NEDD4: variants seen among roughly 807,000 people sequenced by gnomAD.
NEDD4 encodes NEDD4 E3 ubiquitin protein ligase.
In NEDD4, 99 loss-of-function variants were observed where a neutral mutation model predicts 144.9. The observed-to-expected ratio is 0.68, with a 90% confidence interval of 0.58 to 0.81. The LOEUF (loss-of-function observed/expected upper bound fraction) is 0.81, where lower values mean the gene tolerates loss of function less well. Ranked by LOEUF, NEDD4 falls within the 30% of genes least tolerant of loss-of-function variation. The pLI, the probability that NEDD4 is intolerant of heterozygous loss-of-function variation, is 0.00. For missense variants in NEDD4, 985 were observed against 1,065.9 expected, an observed-to-expected ratio of 0.92 and a Z score of 1.06; for synonymous variants, 318 against 350.6, an observed-to-expected ratio of 0.91 and a Z score of 1.04.
At chr15:55,894,846 G>GT (rs1239932109) in intron 5 of NEDD4, among the ~76,000 whole-genome samples, 12 of 152,072 alleles carry the variant, frequency 7.9e-5, no homozygotes, top group African/African-American at 2.9e-4. Context: ...GGTTGTGTCC[G>GT]TATCAAATAT....
intron 5 of NEDD4, among the ~76,000 whole-genome samples, chr15:55,889,039 A>C (rs2035480592): frequency 6.6e-6 from 1 of 152,224 alleles, no homozygotes; most frequent in Admixed American, 6.5e-5. Context: ...TGGAGAAGGC[A>C]AAGATTTCTT....
At chr15:55,951,641 C>T (rs1241192760) in intron 2 of NEDD4, 52 bp from the exon 3 acceptor site, 3 of 1,309,446 alleles carry the variant, frequency 2.3e-6, no homozygotes, top group Non-Finnish European at 3.1e-6. Flanking sequence ...TTGCTTACCC[C>T]AAGCTCAGAT....
intron 24 of NEDD4, among the ~76,000 whole-genome samples, chr15:55,835,668 G>T (rs1421161911): frequency 6.6e-6 from 1 of 152,038 alleles, no homozygotes; most frequent in African/African-American, 2.4e-5. Context: ...TGCACATGCA[G>T]CTCTGAACAC....
intron 5 of NEDD4, among the ~76,000 whole-genome samples, chr15:55,876,913 C>G (rs191111685): frequency 7.3e-5 from 11 of 149,738 alleles, no homozygotes; most frequent in African/African-American, 2.7e-4. Flanking sequence ...CCATCTTACG[C>G]AGGATGGTCT....
At chr15:55,916,833 T>G in intron 5 of NEDD4, 1 of 1,586,462 alleles carries the variant, frequency 6.3e-7, no homozygotes, top group Non-Finnish European at 8.6e-7. Flanking sequence ...TTGTGCCATT[T>G]GTTCTCATTT....
chr15:55,927,018 G>A (rs990123978), intron 4 of NEDD4, among the ~76,000 whole-genome samples: 1 of 137,452 alleles, frequency 7.3e-6, no homozygotes, highest in Non-Finnish European at 1.5e-5. Flanking sequence ...AGAGGTTGCA[G>A]TGAACCAAGA....
intron 5 of NEDD4, among the ~76,000 whole-genome samples, chr15:55,921,911 C>T (rs1176990847): frequency 2.6e-5 from 4 of 152,178 alleles, no homozygotes; most frequent in Admixed American, 6.5e-5. Flanking sequence ...GACAATTAAG[C>T]ATGGTGGAAA....
intron 5 of NEDD4, among the ~76,000 whole-genome samples, chr15:55,877,781 T>G (rs542548761): frequency 5.3e-5 from 8 of 152,176 alleles, no homozygotes; most frequent in Non-Finnish European, 1.0e-4. Flanking sequence ...CTAATTTATA[T>G]CATCATAGAC....
In NEDD4 at chr15:55,974,726, T is replaced by TA. The variant is rs765883456; in HGVS notation, c.46-8181dup. ...GATAAATTTCAACATCTCTTCATGATAAAAAAAAAAACCCTCAAAAACCTG... is the reference window on the plus strand; with the variant it reads ...GATAAATTTCAACATCTCTTCATGATAAAAAAAAAAAACCCTCAAAAACCTG... On this transcript the variant is annotated intron_variant, in intron 1 of 28. Transcript: ENST00000435532. Among the ~76,000 whole-genome samples, 571 of 130,858 alleles carry TA rather than the reference T, an allele frequency of 4.4e-3. 2 individuals carry two copies. The highest frequency in any genetic ancestry group is 8.1e-3 in the Middle Eastern group (2 of 246). The allele number at this position is 130,858 out of a possible 152,430, so 85.8% of individuals were successfully genotyped here.
rs553469323 is a variant in NEDD4, at chr15:55,948,708, A to G, written c.237+2668T>C. ...GACAAAAACAAGAAATGGGGAAAGG[A>G]TTCCCTATTTAATAAATGGTGCTGG... On this transcript the variant is annotated intron_variant, in intron 4 of 28. Transcript: ENST00000435532. Among the ~76,000 whole-genome samples the G allele has an allele frequency of 1.8e-3, 267 of 152,322 alleles. 1 individual carries two copies. Among genetic ancestry groups the G allele is most frequent in the African/African-American group, 6.3e-3 (263 of 41,574 alleles).
chr15:55,966,416 A>G, intron 2 of NEDD4, 57 bp downstream of exon 2: 1 of 1,101,060 alleles, frequency 9.1e-7, no homozygotes, highest in Non-Finnish European at 1.3e-6. Context: ...AAAGTTTGGA[A>G]AAAACTAATT....
chr15:55,919,374 C>A (rs1395328675), intron 5 of NEDD4, among the ~76,000 whole-genome samples: 1 of 152,106 alleles, frequency 6.6e-6, no homozygotes, highest in Admixed American at 6.6e-5. Flanking sequence ...GAAAGAATGA[C>A]GTTTGAAAAA....
intron 5 of NEDD4, among the ~76,000 whole-genome samples, chr15:55,879,931 G>T (rs184671330): frequency 1.4e-4 from 21 of 152,270 alleles, no homozygotes; most frequent in Admixed American, 9.8e-4. Context: ...AAAGAGGAAA[G>T]GGAGGACATT....
intron 4 of NEDD4, among the ~76,000 whole-genome samples, chr15:55,949,084 C>T (rs528902246): frequency 3.3e-5 from 5 of 152,152 alleles, no homozygotes; most frequent in Admixed American, 6.5e-5. Flanking sequence ...CCAGAATCTA[C>T]AAAGAACACA....
chr15:55,862,090 T>C (rs559822636), intron 9 of NEDD4, among the ~76,000 whole-genome samples: 2 of 152,326 alleles, frequency 1.3e-5, no homozygotes, highest in African/African-American at 4.8e-5. Context: ...CGTCACTCTA[T>C]GAAGACTGAA....
At chr15:55,850,501 T>C in intron 14 of NEDD4, 41 bp downstream of exon 14, 5 of 1,578,364 alleles carry the variant, frequency 3.2e-6, no homozygotes, top group Non-Finnish European at 4.4e-6. Context: ...AAGAGATGAT[T>C]ATTGTTGTTA....
chr15:55,855,968 G>A (rs1001441230), intron 12 of NEDD4, among the ~76,000 whole-genome samples, 163 bp downstream of exon 12: 15 of 152,124 alleles, frequency 9.9e-5, no homozygotes, highest in Admixed American at 6.6e-5. Context: ...GGTTCTCCAT[G>A]TTTTGTCTTT....
Position 55,872,750 on chromosome 15 carries a change from G to C in NEDD4, c.343-274C>G, listed in dbSNP as rs571243632. On this transcript the variant is annotated intron_variant, in intron 6 of 28. Transcript: ENST00000435532. The stretch of plus-strand genomic sequence containing the variant: ...AGAGAATAAGCAGAAAAACAGTATA[G>C]AGTGGTTAGTATGTTAACATCCCAA... Among the ~76,000 whole-genome samples, 14 of 152,224 alleles carry C rather than the reference G, an allele frequency of 9.2e-5. 1 individual carries two copies. The highest frequency in any genetic ancestry group is 6.5e-4 in the Admixed American group (10 of 15,290).
At position 55,993,437 on chromosome 15, in the gene NEDD4, G is replaced by A. The variant is rs1595894522; in HGVS notation, c.45+74C>T. Reference sequence around the variant, plus strand: ...AGCAGAGCCTCCGGTCGTGGCCGCCGCCGCTACCTCCCCGGGTCCGGCTGC... The same window carrying A: ...AGCAGAGCCTCCGGTCGTGGCCGCCACCGCTACCTCCCCGGGTCCGGCTGC... On this transcript the variant is annotated intron_variant, in intron 1 of 28. Coordinates refer to ENST00000435532, the MANE Select transcript of NEDD4 (RefSeq NM_006154.4). 5 of 1,550,654 alleles carry A rather than the reference G, an allele frequency of 3.2e-6. No individual in the cohort carries two copies. The Middle Eastern group carries it at 7.0e-4, about 216-fold the overall frequency.
Sources: allele counts gnomAD v4.1 joint callset (sites outside exome capture counted in the v4.1 genomes callset), GRCh38; gene constraint gnomAD v4.1.1; transcripts MANE v1.5; gene names NCBI Gene and HGNC (gene_info 2026-07-23, HGNC 2026-07-21).